Variants in KDM4C observed in about 807,000 individuals in gnomAD.
KDM4C encodes the protein lysine demethylase 4C.
A neutral mutation model predicts 129.3 loss-of-function variants in KDM4C; 81 were observed. The ratio of observed to expected loss-of-function variants is 0.63; its 90% CI spans 0.52 to 0.75. The LOEUF (loss-of-function observed/expected upper bound fraction) is 0.75, where lower values mean the gene tolerates loss of function less well. Ranked by LOEUF, KDM4C falls within the 30% of genes least tolerant of loss-of-function variation. The pLI, the probability that KDM4C is intolerant of heterozygous loss-of-function variation, is 0.00. For synonymous variants in KDM4C, 573 were observed against 456.1 expected, an observed-to-expected ratio of 1.26 and a Z score of -3.26; for missense variants, 1,457 against 1,304.0, an observed-to-expected ratio of 1.12 and a Z score of -1.81.
intron 6 of KDM4C, among the ~76,000 whole-genome samples, chr9:6,884,994 T>G (rs1429451791): frequency 6.6e-6 from 1 of 152,252 alleles, no homozygotes; most frequent in African/African-American, 2.4e-5. Context: ...TTTAATGATT[T>G]TTTTGAGTCA....
chr9:6,856,059 G>T (rs547423782), intron 5 of KDM4C, among the ~76,000 whole-genome samples: 1 of 152,164 alleles, frequency 6.6e-6, no homozygotes, highest in East Asian at 1.9e-4. Flanking sequence ...CTTTTAACTA[G>T]CATGCCTCTA....
intron 12 of KDM4C, among the ~76,000 whole-genome samples, chr9:6,992,264 T>C (rs1818891636): frequency 6.6e-6 from 1 of 152,200 alleles, no homozygotes; most frequent in Non-Finnish European, 1.5e-5. Context: ...AAGTTTATTT[T>C]GATGTGGGCC....
intron 5 of KDM4C, among the ~76,000 whole-genome samples, 179 bp downstream of exon 5, chr9:6,849,879 A>G (rs1266221016): frequency 6.6e-6 from 1 of 152,216 alleles, no homozygotes; most frequent in African/African-American, 2.4e-5. Context: ...CTTGGAAACC[A>G]TAAACCCCAT....
chr9:6,721,420 A>G (rs1198669907), intron 1 of KDM4C, among the ~76,000 whole-genome samples: 1 of 151,284 alleles, frequency 6.6e-6, no homozygotes, highest in Non-Finnish European at 1.5e-5. Flanking sequence ...AGTAGCTGGG[A>G]CCACAGGCAT....
chr9:6,780,644 G>A (rs1403324667), intron 1 of KDM4C, among the ~76,000 whole-genome samples: 2 of 151,708 alleles, frequency 1.3e-5, no homozygotes, highest in African/African-American at 4.8e-5. Context: ...CTGTCCACCT[G>A]TAATCCCAGC....
intron 5 of KDM4C, among the ~76,000 whole-genome samples, chr9:6,850,949 T>G (rs1838732131): frequency 6.6e-6 from 1 of 150,978 alleles, no homozygotes; most frequent in Non-Finnish European, 1.5e-5. Flanking sequence ...GAGATGGGGT[T>G]TCACCATGTT....
chr9:6,879,636 A>G (rs1844135806), intron 5 of KDM4C, among the ~76,000 whole-genome samples: 1 of 152,176 alleles, frequency 6.6e-6, no homozygotes, highest in Non-Finnish European at 1.5e-5. Context: ...CCAACCACAA[A>G]ACGAAAAACA....
intron 6 of KDM4C, among the ~76,000 whole-genome samples, chr9:6,880,625 G>A (rs985612992): frequency 3.9e-5 from 6 of 152,076 alleles, no homozygotes; most frequent in Non-Finnish European, 7.4e-5. Flanking sequence ...TTCTTGGACT[G>A]GCAAAATTAA....
chr9:7,019,012 C>T (rs1202546446), intron 15 of KDM4C, among the ~76,000 whole-genome samples: 2 of 152,164 alleles, frequency 1.3e-5, no homozygotes, highest in Non-Finnish European at 2.9e-5. Flanking sequence ...TCTGAATTCA[C>T]AGTGGATTCC....
chr9:7,028,816 C>G (rs1826236291), intron 15 of KDM4C, among the ~76,000 whole-genome samples: 1 of 152,172 alleles, frequency 6.6e-6, no homozygotes, highest in African/African-American at 2.4e-5. Context: ...GTCAGCTCAG[C>G]CAGGTTTGCT....
chr9:7,149,773 T>C (rs1018382135), intron 19 of KDM4C, among the ~76,000 whole-genome samples: 4 of 152,344 alleles, frequency 2.6e-5, no homozygotes, highest in Non-Finnish European at 4.4e-5. Context: ...GTCAGCTCAT[T>C]GGTCAGAGAG....
chr9:7,044,935 A>G (rs1321703366), intron 15 of KDM4C, among the ~76,000 whole-genome samples: 1 of 152,024 alleles, frequency 6.6e-6, no homozygotes, highest in Non-Finnish European at 1.5e-5. Flanking sequence ...TGGAAACCAC[A>G]GGGAGAAAAT....
chr9:6,983,889 T>G (rs926784215), intron 9 of KDM4C, among the ~76,000 whole-genome samples: 1 of 152,088 alleles, frequency 6.6e-6, no homozygotes, highest in Non-Finnish European at 1.5e-5. Flanking sequence ...TTTTAAAATG[T>G]TGTCACAAAA....
At chr9:6,921,997 A>G (rs1396548592) in intron 8 of KDM4C, among the ~76,000 whole-genome samples, 2 of 152,180 alleles carry the variant, frequency 1.3e-5, no homozygotes, top group Non-Finnish European at 2.9e-5. Flanking sequence ...CTCAATTTGA[A>G]TTGGAACCCT....
chr9:6,731,966 C>T (rs1421923085), intron 1 of KDM4C, among the ~76,000 whole-genome samples: 2 of 152,168 alleles, frequency 1.3e-5, no homozygotes, highest in East Asian at 3.9e-4. Context: ...TACAGTGCAC[C>T]AGGGAGACTA....
intron 15 of KDM4C, among the ~76,000 whole-genome samples, chr9:7,040,409 G>A (rs77959614): frequency 6.7e-6 from 1 of 148,710 alleles, no homozygotes; most frequent in Non-Finnish European, 1.5e-5. Context: ...GTGTGTGCGT[G>A]TGTATGTGTC....
At chr9:7,133,857 C>T (rs567406271) in intron 19 of KDM4C, among the ~76,000 whole-genome samples, 31 of 152,298 alleles carry the variant, frequency 2.0e-4, no homozygotes, top group African/African-American at 6.5e-4. Context: ...TTCCCAGAAA[C>T]GTTCTCTACT....
intron 8 of KDM4C, among the ~76,000 whole-genome samples, chr9:6,955,519 C>T (rs973897624): frequency 6.6e-6 from 1 of 152,158 alleles, no homozygotes. Context: ...TCATTCAGCC[C>T]TCTTATTGTG....
rs1329230355 is a variant in KDM4C, at chr9:6,806,890, C to G, written c.320+1116C>G. On this transcript the variant is annotated intron_variant, in intron 3 of 21. Coordinates refer to ENST00000381309, the MANE Select transcript of KDM4C (RefSeq NM_015061.6). ...CCTCTCCGTCTCCGTCTCCCTCTCC[C>G]TCTCCCTCTCCCTCTCCCTCTCCCT... 3.4e-3 allele frequency among the ~76,000 whole-genome samples: 371 copies of G among 108,660 alleles called. 1 individual carries two copies. The highest frequency in any genetic ancestry group is 9.8e-3 in the African/African-American group (254 of 25,998). 71.3% of individuals were successfully genotyped at this position (108,660 alleles called of 152,430 possible). A position where few individuals can be genotyped will look rare whatever the true frequency, so the allele number is the denominator to read the frequency against.
Sources: gnomAD v4.1 joint callset for allele counts (sites outside exome capture counted in the v4.1 genomes callset) on GRCh38, gnomAD v4.1.1 for gene constraint, MANE v1.5 for transcripts, NCBI Gene and HGNC (gene_info 2026-07-23, HGNC 2026-07-21) for gene names.